HMGN3: variants seen among roughly 807,000 people sequenced by gnomAD.
HMGN3 encodes the protein high mobility group nucleosomal binding domain 3.
HMGN3 carries 6 observed loss-of-function variants against 18.8 expected under a neutral mutation model. The ratio of observed to expected loss-of-function variants is 0.32; its 90% CI spans 0.18 to 0.63. The LOEUF (loss-of-function observed/expected upper bound fraction) is 0.63, where lower values mean the gene tolerates loss of function less well. Ranked by LOEUF, HMGN3 falls within the 30% of genes least tolerant of loss-of-function variation. The pLI is 0.79. For synonymous variants in HMGN3, 40 were observed against 36.5 expected, an observed-to-expected ratio of 1.10 and a Z score of -0.35; for missense variants, 107 against 114.2, an observed-to-expected ratio of 0.94 and a Z score of 0.29.
At chr6:79,210,442 A>T (rs917366709) in intron 2 of HMGN3, among the ~76,000 whole-genome samples, 2 of 152,138 alleles carry the variant, frequency 1.3e-5, no homozygotes, top group African/African-American at 4.8e-5. Context: ...TCTCCACTTG[A>T]TGTCAACTCA....
chr6:79,203,369 T>A (rs1387040308), intron 4 of HMGN3, among the ~76,000 whole-genome samples: 1 of 152,156 alleles, frequency 6.6e-6, no homozygotes, highest in East Asian at 1.9e-4. Context: ...CAGAGCAACA[T>A]CTCTGACTTC....
At chr6:79,202,078 C>A (rs1365839409) in intron 5 of HMGN3, 1 of 1,537,952 alleles carries the variant, frequency 6.5e-7, no homozygotes, top group East Asian at 2.4e-5. Context: ...CTGTTTCAAT[C>A]TGCCCCTTTA....
At chr6:79,215,793 T>C (rs528392054) in intron 1 of HMGN3, among the ~76,000 whole-genome samples, 2 of 152,336 alleles carry the variant, frequency 1.3e-5, no homozygotes, top group South Asian at 4.1e-4. Flanking sequence ...TGTCCCAATA[T>C]TTTTTATTGG....
intron 1 of HMGN3, among the ~76,000 whole-genome samples, chr6:79,227,620 A>G (rs1285448617): frequency 6.6e-6 from 1 of 152,218 alleles, no homozygotes; most frequent in African/African-American, 2.4e-5. Flanking sequence ...GAAACAGAGC[A>G]TATCATTATT....
At chr6:79,206,881 G>C (rs565918138) in intron 3 of HMGN3, among the ~76,000 whole-genome samples, 1 of 152,360 alleles carries the variant, frequency 6.6e-6, no homozygotes, top group Non-Finnish European at 1.5e-5. Context: ...CCCACGTCCT[G>C]CATCAGCGTG....
At chr6:79,208,567 G>A (rs1406490004) in exon 3 of HMGN3, 7 of 1,609,974 alleles carry the variant, frequency 4.3e-6, no homozygotes, top group African/African-American at 1.3e-5. Flanking sequence ...CTGGCAGACC[G>A]TCTTGTGGGC....
At chr6:79,214,910 C>T in intron 2 of HMGN3, 62 bp downstream of exon 2, 1 of 916,680 alleles carries the variant, frequency 1.1e-6, no homozygotes, top group Non-Finnish European at 1.7e-6. Context: ...TGCAGACAAT[C>T]CTAACAATAT....
intron 2 of HMGN3, among the ~76,000 whole-genome samples, chr6:79,214,598 A>T (rs534280280): frequency 6.6e-6 from 1 of 152,362 alleles, no homozygotes; most frequent in Non-Finnish European, 1.5e-5. Flanking sequence ...AATTTATGAG[A>T]TCAACAGTCT....
intron 3 of HMGN3, among the ~76,000 whole-genome samples, chr6:79,204,276 C>T (rs1240172153): frequency 6.6e-6 from 1 of 152,176 alleles, no homozygotes. Context: ...AAAATGTCTA[C>T]TGTTAGCTCC....
chr6:79,208,597 T>C, intron 2 of HMGN3, 21 bp from the exon 3 acceptor site: 1 of 1,584,518 alleles, frequency 6.3e-7, no homozygotes, highest in Non-Finnish European at 8.7e-7. Context: ...AATGGGAAAA[T>C]ATACATATTT....
chr6:79,205,603 G>T (rs1363651978), intron 3 of HMGN3, among the ~76,000 whole-genome samples: 1 of 152,140 alleles, frequency 6.6e-6, no homozygotes, highest in South Asian at 2.1e-4. Context: ...TCCAGTCTTG[G>T]GTATGTCTTT....
intron 1 of HMGN3, among the ~76,000 whole-genome samples, chr6:79,228,469 A>G (rs1162485392): frequency 6.6e-6 from 1 of 152,194 alleles, no homozygotes; most frequent in Non-Finnish European, 1.5e-5. Flanking sequence ...AGGCCCTTTC[A>G]TATTCAGACT....
chr6:79,219,598 ACAG>A (rs1339970792), intron 1 of HMGN3, among the ~76,000 whole-genome samples: 1 of 152,192 alleles, frequency 6.6e-6, no homozygotes, highest in Non-Finnish European at 1.5e-5. Context: ...CAGAAATTCT[ACAG>A]CAGTTCTTTC....
At chr6:79,205,312 G>T (rs1776365368) in intron 3 of HMGN3, among the ~76,000 whole-genome samples, 1 of 152,170 alleles carries the variant, frequency 6.6e-6, no homozygotes, top group Non-Finnish European at 1.5e-5. Flanking sequence ...ATCTTGAATT[G>T]TAACTCCTAC....
chr6:79,216,928 C>T, intron 1 of HMGN3, among the ~76,000 whole-genome samples: 1 of 152,094 alleles, frequency 6.6e-6, no homozygotes, highest in African/African-American at 2.4e-5. Context: ...AATTGATAGG[C>T]AGTTAAAGCA....
intron 1 of HMGN3, among the ~76,000 whole-genome samples, chr6:79,224,446 T>A (rs1777460724): frequency 6.6e-6 from 1 of 152,208 alleles, no homozygotes; most frequent in Admixed American, 6.5e-5. Flanking sequence ...CTTGAAATAA[T>A]AACAAACAAT....
At chr6:79,222,672 T>A (rs952708550) in intron 1 of HMGN3, among the ~76,000 whole-genome samples, 1 of 152,232 alleles carries the variant, frequency 6.6e-6, no homozygotes, top group East Asian at 1.9e-4. Flanking sequence ...TTTAAAGTAA[T>A]CTTTAAATAT....
chr6:79,226,039 A>G (rs868000244), intron 1 of HMGN3, among the ~76,000 whole-genome samples: 4 of 152,252 alleles, frequency 2.6e-5, no homozygotes, highest in African/African-American at 2.4e-5. Context: ...TAAAATAAAA[A>G]TACATGTGGT....
intron 2 of HMGN3, among the ~76,000 whole-genome samples, chr6:79,210,916 G>A (rs933609980): frequency 1.3e-5 from 2 of 148,602 alleles, no homozygotes; most frequent in African/African-American, 2.5e-5. Flanking sequence ...TGCTCTACTG[G>A]GACTAACAGC....
Sources: allele counts gnomAD v4.1 joint callset (sites outside exome capture counted in the v4.1 genomes callset), GRCh38; gene constraint gnomAD v4.1.1; transcripts MANE v1.5; gene names NCBI Gene and HGNC (gene_info 2026-07-23, HGNC 2026-07-21).